The following DGLUCY variants were observed in gnomAD, a reference collection of about 807,000 sequenced individuals.
DGLUCY encodes D-glutamate cyclase, mitochondrial.
A neutral mutation model predicts 58.5 loss-of-function variants in DGLUCY; 58 were observed. The ratio of observed to expected loss-of-function variants is 0.99; its 90% CI spans 0.80 to 1.23. The LOEUF is 1.23. Ranked by LOEUF, DGLUCY falls within the 50% of genes most tolerant of loss-of-function variation. The pLI is 0.00. For missense variants in DGLUCY, 779 were observed against 784.7 expected, an observed-to-expected ratio of 0.99 and a Z score of 0.09; for synonymous variants, 325 against 314.1, an observed-to-expected ratio of 1.03 and a Z score of -0.37.
At chr14:91,137,141 T>G (rs1313618861) in intron 1 of DGLUCY, among the ~76,000 whole-genome samples, 9 of 151,702 alleles carry the variant, frequency 5.9e-5, no homozygotes, top group Admixed American at 5.9e-4. Context: ...TCAGGTTTTT[T>G]TTTTTTTTTC....
chr14:91,128,673 C>G (rs1250364852), intron 1 of DGLUCY: 1 of 151,766 alleles, frequency 6.6e-6, no homozygotes, highest in Non-Finnish European at 1.5e-5. Context: ...CTCTGCTTGT[C>G]TTTCTACTGG....
At chr14:91,151,393 C>A (rs975595426) in intron 1 of DGLUCY, among the ~76,000 whole-genome samples, 3 of 152,006 alleles carry the variant, frequency 2.0e-5, no homozygotes, top group African/African-American at 4.8e-5. Context: ...GCGCCCACCA[C>A]CACACCCGGC....
rs187346451 is a variant in DGLUCY, at chr14:91,121,332, G to A, written c.-82+7049G>A. ...CACCTCCAATCATGCTACCTGCTCT[G>A]TACCTAAGCTTCTGAGAAGACCCTC... On this transcript the variant is annotated intron_variant, in intron 1 of 13. Transcript: ENST00000256324. Among the ~76,000 whole-genome samples, 345 of 152,228 alleles carry A rather than the reference G, an allele frequency of 2.3e-3. 2 individuals are homozygous for A. Among genetic ancestry groups the A allele is most frequent in the African/African-American group, 8.0e-3 (331 of 41,540 alleles).
rs1030706444 is a variant in DGLUCY at position 91,079,410 on chromosome 14, C to T, written c.-82+18706C>T. Among the ~76,000 whole-genome samples the T allele has an allele frequency of 3.3e-5, 5 of 149,698 alleles. No homozygotes were observed. In the East Asian group the frequency reaches 9.9e-4, roughly 30 times the overall value. On this transcript the variant is annotated intron_variant, in intron 1 of 4. Transcript: ENST00000521334. ...TTGCTCTGTCGCCAGGCTGGAGTGCCGTGGTGCAGTCTCGCTCACTGCAAC... is the reference window on the plus strand; with the variant it reads ...TTGCTCTGTCGCCAGGCTGGAGTGCTGTGGTGCAGTCTCGCTCACTGCAAC...
At chr14:91,189,978 C>CTTT (rs55652724) in intron 9 of DGLUCY, among the ~76,000 whole-genome samples, 14 of 81,002 alleles carry the variant, frequency 1.7e-4, no homozygotes, top group East Asian at 9.0e-4. Context: ...CTGTTAGGTT[C>CTTT]TTTTTTTTTT....
At chr14:91,132,201 T>C (rs2046061102) in intron 1 of DGLUCY, among the ~76,000 whole-genome samples, 1 of 152,198 alleles carries the variant, frequency 6.6e-6, no homozygotes, top group Admixed American at 6.6e-5. Flanking sequence ...AGCTCTCAAA[T>C]TTCCTGTGTT....
upstream of DGLUCY, among the ~76,000 whole-genome samples, chr14:91,103,761 A>G (rs1365319734): frequency 1.3e-5 from 2 of 151,970 alleles, no homozygotes. Flanking sequence ...CTTCTCTGCT[A>G]TCTCTTATCA....
intron 1 of DGLUCY, among the ~76,000 whole-genome samples, chr14:91,118,087 C>CT (rs2045102897): frequency 7.2e-4 from 46 of 64,064 alleles, no homozygotes; most frequent in African/African-American, 2.9e-3. Flanking sequence ...CCCCCCCCCC[C>CT]CTTTTTTTTT....
intron 12 of DGLUCY, among the ~76,000 whole-genome samples, chr14:91,206,473 C>T (rs1305830704): frequency 6.6e-6 from 1 of 152,108 alleles, no homozygotes. Flanking sequence ...ACTTCTGCCT[C>T]CCGGGTTCAA....
chr14:91,067,812 A>G (rs1258142386), intron 1 of DGLUCY, among the ~76,000 whole-genome samples: 1 of 152,116 alleles, frequency 6.6e-6, no homozygotes, highest in African/African-American at 2.4e-5. Context: ...GGCCTCCCAA[A>G]ATGCTGGGAT....
At chr14:91,127,211 C>T (rs1424779430) in intron 1 of DGLUCY, among the ~76,000 whole-genome samples, 1 of 152,034 alleles carries the variant, frequency 6.6e-6, no homozygotes, top group Non-Finnish European at 1.5e-5. Context: ...CATGTGCCAC[C>T]ATGCCTGGGT....
upstream of DGLUCY, among the ~76,000 whole-genome samples, chr14:91,105,865 A>G (rs1249395481): frequency 6.6e-6 from 1 of 152,192 alleles, no homozygotes; most frequent in East Asian, 1.9e-4. Context: ...TCTAGGCTAT[A>G]TGATATGGTC....
chr14:91,191,868 G>A (rs925557516), intron 9 of DGLUCY, among the ~76,000 whole-genome samples: 10 of 152,154 alleles, frequency 6.6e-5, no homozygotes, highest in African/African-American at 2.4e-4. Context: ...AAGACTGGCA[G>A]GTTTAGGGGT....
intron 9 of DGLUCY, among the ~76,000 whole-genome samples, chr14:91,196,129 A>G (rs562155923): frequency 3.2e-4 from 49 of 152,310 alleles, no homozygotes; most frequent in African/African-American, 1.1e-3. Flanking sequence ...TACATGCAGC[A>G]TATTTGTTAG....
At chr14:91,108,673 G>A (rs891023539) in intron 1 of DGLUCY, among the ~76,000 whole-genome samples, 1 of 152,044 alleles carries the variant, frequency 6.6e-6, no homozygotes, top group Non-Finnish European at 1.5e-5. Flanking sequence ...TGGTAGTTGG[G>A]ACTACAGGCA....
chr14:91,080,576 G>A (rs2044107121), intron 1 of DGLUCY, among the ~76,000 whole-genome samples: 1 of 152,024 alleles, frequency 6.6e-6, no homozygotes, highest in South Asian at 2.1e-4. Context: ...TCACCATGTT[G>A]GTCAGGCTGT....
rs2043642595 is a variant in DGLUCY, at chr14:91,060,713, G to T, written c.-82+9G>T. On this transcript the variant is annotated intron_variant, in intron 1 of 4. Coordinates refer to the DGLUCY transcript ENST00000521334. The stretch of plus-strand genomic sequence containing the variant: ...CGCCCACAGCCAGCAAGGTAAGGGA[G>T]CCATTCGAGCCGCCTTCGCTGATTG... 1.3e-5 allele frequency: 4 copies of T among 316,496 alleles called. No homozygotes were observed. In the Admixed American group the frequency reaches 2.0e-4, roughly 16 times the overall value. The allele number at this position is 316,496 out of a possible 1,614,324, so 19.6% of individuals were successfully genotyped here.
chr14:91,195,905 C>T (rs571167932), intron 9 of DGLUCY, among the ~76,000 whole-genome samples: 4 of 152,036 alleles, frequency 2.6e-5, no homozygotes, highest in Non-Finnish European at 4.4e-5. Context: ...CTCCTGACCT[C>T]GTGATCCGCC....
At chr14:91,188,374 C>T (rs1012477248) in intron 8 of DGLUCY, among the ~76,000 whole-genome samples, 8 of 152,188 alleles carry the variant, frequency 5.3e-5, no homozygotes, top group Non-Finnish European at 1.0e-4. Context: ...GGAGGCTCCT[C>T]AGCCATTTAC....
Sources: gnomAD v4.1 joint callset for allele counts (sites outside exome capture counted in the v4.1 genomes callset) on GRCh38, gnomAD v4.1.1 for gene constraint, MANE v1.5 for transcripts, NCBI Gene and HGNC (gene_info 2026-07-23, HGNC 2026-07-21) for gene names.